Variants in RUSC2 observed in about 807,000 individuals in gnomAD.
RUSC2 encodes the protein RUN and SH3 domain containing 2, also known as AP-4 complex accessory subunit RUSC2.
A neutral mutation model predicts 122.2 loss-of-function variants in RUSC2; 34 were observed. That is an observed-to-expected ratio of 0.28 (90% CI 0.21 to 0.37). The LOEUF is 0.37. RUSC2 is among the 10% of genes least tolerant of loss of function. The pLI is 1.00. For synonymous variants in RUSC2, 784 were observed against 790.0 expected (o/e 0.99, Z 0.13); for missense variants, 1,747 against 1,952.4 (o/e 0.89, Z 1.98).
At chr9:35,536,918 G>A (rs1288169947) in intron 1 of RUSC2, among the ~76,000 whole-genome samples, 1 of 152,136 alleles carries the variant, frequency 6.6e-6, no homozygotes, top group Admixed American at 6.5e-5. Context: ...ATTAAAAGGG[G>A]CAGGAGGAGT....
At chr9:35,509,912 C>T (rs1820982917) in intron 1 of RUSC2, among the ~76,000 whole-genome samples, 1 of 152,112 alleles carries the variant, frequency 6.6e-6, no homozygotes, top group Non-Finnish European at 1.5e-5. Flanking sequence ...AATAACTTGC[C>T]AGCTGCTACA....
chr9:35,497,044 T>C (rs1820730729), intron 1 of RUSC2, among the ~76,000 whole-genome samples: 1 of 152,204 alleles, frequency 6.6e-6, no homozygotes, highest in Non-Finnish European at 1.5e-5. Flanking sequence ...TCAAGCATCT[T>C]TAATGGGCAA....
chr9:35,494,257 G>A (rs1432735164), intron 1 of RUSC2, among the ~76,000 whole-genome samples: 2 of 151,974 alleles, frequency 1.3e-5, no homozygotes, highest in African/African-American at 4.8e-5. Context: ...CCTAAGGTCA[G>A]GAGTTCAAGA....
chr9:35,556,047 T>A lies in RUSC2; in HGVS notation c.2752T>A (p.Ser918Thr). Reference sequence around the variant, plus strand: ...TTTGTCAGGGAGCCTAGACCGAAGATCACAAGAAGCTCGGCTGGCCCGAAG... The same window carrying A: ...TTTGTCAGGGAGCCTAGACCGAAGAACACAAGAAGCTCGGCTGGCCCGAAG... Reference protein sequence around the residue: ...PGLSGSLDRRSQEARLARRNP... With the variant: ...PGLSGSLDRRTQEARLARRNP... The change falls in exon 4 of 12, where the codon TCA becomes ACA. Residue 918 changes from serine (S) to threonine (T), a missense_variant. Transcript: ENST00000361226. 6.2e-7 allele frequency: 1 copy of A among 1,614,154 alleles called. No individual in the cohort carries two copies. Among genetic ancestry groups the A allele is most frequent in the Non-Finnish European group, 8.5e-7 (1 of 1,180,026 alleles).
At chr9:35,501,745 T>C (rs1044424833) in intron 1 of RUSC2, among the ~76,000 whole-genome samples, 1 of 152,214 alleles carries the variant, frequency 6.6e-6, no homozygotes. Context: ...ATGTGCTGCA[T>C]ACATACAGTC....
intron 1 of RUSC2, among the ~76,000 whole-genome samples, chr9:35,518,319 C>T (rs561545013): frequency 9.9e-5 from 15 of 152,276 alleles, no homozygotes; most frequent in African/African-American, 2.2e-4. Flanking sequence ...CTTGGCTGCT[C>T]GGCTGTTTTG....
chr9:35,496,541 G>A (rs1333353573), intron 1 of RUSC2, among the ~76,000 whole-genome samples: 1 of 152,176 alleles, frequency 6.6e-6, no homozygotes, highest in Non-Finnish European at 1.5e-5. Context: ...TGCTCGGACT[G>A]TTGTAAACCA....
In RUSC2 at chr9:35,560,611, G is replaced by T; in HGVS notation, c.3971G>T (p.Gly1324Val). 1 of 1,611,384 alleles carries T rather than the reference G, an allele frequency of 6.2e-7. No homozygotes were observed. Among genetic ancestry groups the T allele is most frequent in the Non-Finnish European group, 8.5e-7 (1 of 1,178,810 alleles). The change falls in exon 10 of 12, where the codon GGG becomes GTG. Residue 1324 changes from glycine (G) to valine (V), a missense_variant. Physicochemically the swap from Gly to Val is moderately radical, Grantham distance 109 (BLOSUM62 -3). Transcript: ENST00000361226. The stretch of plus-strand genomic sequence containing the variant: ...CCACCCCGAGAGGGAGTAGTGGAGG[G>T]GGCTGAGGCCTGCCCTGCCTCTGAG... ...APPPREGVVEGAEACPASEEA... is the reference protein window; with the variant it reads ...APPPREGVVEVAEACPASEEA...
chr9:35,496,135 A>T (rs1172886951), intron 1 of RUSC2, among the ~76,000 whole-genome samples: 1 of 152,174 alleles, frequency 6.6e-6, no homozygotes, highest in African/African-American at 2.4e-5. Flanking sequence ...GCTTAGATCT[A>T]GACAGAGTCC....
intron 1 of RUSC2, among the ~76,000 whole-genome samples, chr9:35,506,870 C>G (rs1295945820): frequency 1.3e-5 from 2 of 152,126 alleles, no homozygotes; most frequent in East Asian, 3.8e-4. Context: ...AATGCTAGAA[C>G]TTTGGGAGCC....
chr9:35,561,030 C>T lies in RUSC2; in HGVS notation c.4282C>T (p.Arg1428Trp), dbSNP rs201389638. The T allele has an allele frequency of 7.1e-5, 114 of 1,614,158 alleles. No individual in the cohort carries two copies. The highest frequency in any genetic ancestry group is 1.6e-4 in the Middle Eastern group (1 of 6,062). ...AGTGGCGCAGACAGTGGGTTCCCGCCGGGAGCCAGAGCCCAAGGAGAGCCT... is the reference window on the plus strand; with the variant it reads ...AGTGGCGCAGACAGTGGGTTCCCGCTGGGAGCCAGAGCCCAAGGAGAGCCT... ...QLVAQTVGSR[R>W]EPEPKESLQE... Residue 1428 changes from arginine to tryptophan, a missense_variant, in exon 11 of 12, where the codon CGG becomes TGG. Coordinates refer to ENST00000361226, the MANE Select transcript of RUSC2 (RefSeq NM_014806.5).
intron 1 of RUSC2, among the ~76,000 whole-genome samples, chr9:35,525,063 T>C (rs544148979): frequency 6.6e-6 from 1 of 152,104 alleles, no homozygotes; most frequent in African/African-American, 2.4e-5. Context: ...TGGAAAGATA[T>C]ATCAACTGGC....
At chr9:35,532,124 C>T (rs552847672) in intron 1 of RUSC2, among the ~76,000 whole-genome samples, 20 of 152,298 alleles carry the variant, frequency 1.3e-4, no homozygotes, top group African/African-American at 4.6e-4. Flanking sequence ...GTCCAGATGA[C>T]TCTTATTTTC....
At position 35,555,311 on chromosome 9, in the gene RUSC2, C is replaced by G. The variant is rs775596143; in HGVS notation, c.2266C>G (p.Arg756Gly). ...PSGEPQASTPRATGRGARKAG... is the reference protein window; with the variant it reads ...PSGEPQASTPGATGRGARKAG... ...AGGGGAACCGCAGGCATCCACTCCC[C>G]GAGCCACTGGCAGAGGTGCCAGGAA... is the stretch of plus-strand genomic sequence containing the variant. Residue 756 changes from arginine (R) to glycine (G), a missense_variant, in exon 3 of 12, where the codon CGA becomes GGA. Physicochemically the swap from Arg to Gly is moderately radical, Grantham distance 125 (BLOSUM62 -2). Coordinates refer to ENST00000361226, the MANE Select transcript of RUSC2 (RefSeq NM_014806.5). This position sits in a 1 kb window ranked among gnomAD's most constrained non-coding sequence, Gnocchi z 4.6. 219 of 1,613,150 alleles carry G rather than the reference C, an allele frequency of 1.4e-4. 1 individual carries two copies. The highest frequency in any genetic ancestry group is 1.6e-4 in the Non-Finnish European group (194 of 1,179,978).
chr9:35,500,854 A>G lies in RUSC2; in HGVS notation c.-93+10682A>G, dbSNP rs932868425. On this transcript the variant is annotated intron_variant, in intron 1 of 11. Coordinates refer to ENST00000361226, the MANE Select transcript of RUSC2 (RefSeq NM_014806.5). ...TATAATGTTCTTTGCCTGATATCCA[A>G]CACAGCAACCTGCAACTGTATTAGT... 8.5e-5 allele frequency among the ~76,000 whole-genome samples: 13 copies of G among 152,324 alleles called. No homozygotes were observed. In the East Asian group the frequency reaches 1.2e-3, roughly 14 times the overall value.
intron 1 of RUSC2, among the ~76,000 whole-genome samples, chr9:35,529,737 C>G (rs1466132284): frequency 2.0e-5 from 3 of 151,738 alleles, no homozygotes; most frequent in African/African-American, 7.3e-5. Flanking sequence ...AGTCATGTTT[C>G]CATCCTCAGA....
intron 1 of RUSC2, among the ~76,000 whole-genome samples, chr9:35,491,115 G>C (rs1341281242): frequency 6.6e-6 from 1 of 151,670 alleles, no homozygotes; most frequent in Non-Finnish European, 1.5e-5. Flanking sequence ...AAAAAAAGGC[G>C]GAATTTACAA....
Position 35,555,776 on chromosome 9 carries a change from T to C in RUSC2, c.2656+75T>C, listed in dbSNP as rs1026474002. The C allele has an allele frequency of 2.7e-6, 4 of 1,505,212 alleles. No homozygotes were observed. The highest frequency in any genetic ancestry group is 3.6e-6 in the Non-Finnish European group (4 of 1,126,392). The allele number at this position is 1,505,212 out of a possible 1,614,324, so 93.2% of individuals were successfully genotyped here. A position where few individuals can be genotyped will look rare whatever the true frequency, so the allele number is the denominator to read the frequency against. ...TTCCACCACCTCCCCTTTGAGTGGT[T>C]GCTTACACTCTCACCTGGGGCCAGA... is the stretch of plus-strand genomic sequence containing the variant. On this transcript the variant is annotated intron_variant, in intron 3 of 11. Coordinates refer to ENST00000361226, the MANE Select transcript of RUSC2 (RefSeq NM_014806.5). The surrounding 1 kb of genome is among the most constrained non-coding windows in gnomAD (Gnocchi z 4.6).
At chr9:35,534,844 A>G (rs1330684169) in intron 1 of RUSC2, among the ~76,000 whole-genome samples, 1 of 152,194 alleles carries the variant, frequency 6.6e-6, no homozygotes, top group East Asian at 1.9e-4. Context: ...GTTTTTAAAT[A>G]TATTCTGGAT....
Sources: allele counts gnomAD v4.1 joint callset (sites outside exome capture counted in the v4.1 genomes callset), GRCh38; gene constraint gnomAD v4.1.1; non-coding constraint Gnocchi (gnomAD v3.1); transcripts MANE v1.5; gene names NCBI Gene and HGNC (gene_info 2026-07-23, HGNC 2026-07-21).